STRN: variants seen among roughly 807,000 people sequenced by gnomAD.
The protein encoded by STRN is striatin, also known as protein phosphatase 2 regulatory subunit B'''alpha.
STRN carries 53 observed loss-of-function variants against 96.3 expected under a neutral mutation model. The ratio of observed to expected loss-of-function variants is 0.55; its 90% confidence interval spans 0.44 to 0.69. The LOEUF (loss-of-function observed/expected upper bound fraction) is 0.69. STRN is among the 30% of genes least tolerant of loss of function. The pLI, the probability that STRN is intolerant of heterozygous loss-of-function variation, is 0.00. For missense variants in STRN, 987 were observed against 963.9 expected (o/e 1.02, Z -0.32); for synonymous variants, 428 against 355.9 (o/e 1.20, Z -2.28).
At chr2:36,869,370 T>C (rs1040197952) in intron 11 of STRN, among the ~76,000 whole-genome samples, 184 bp downstream of exon 11, 3 of 152,230 alleles carry the variant, frequency 2.0e-5, no homozygotes, top group Non-Finnish European at 4.4e-5. Context: ...CATATCTTCC[T>C]AAGCATCAGT....
At chr2:36,878,761 GT>G (rs1183146387) in intron 9 of STRN, among the ~76,000 whole-genome samples, 9 of 150,538 alleles carry the variant, frequency 6.0e-5, no homozygotes, top group African/African-American at 1.7e-4. Flanking sequence ...TTTTTTTTAT[GT>G]TTTTTTCTGA....
intron 6 of STRN, among the ~76,000 whole-genome samples, chr2:36,899,097 G>A (rs1429726986): frequency 6.6e-6 from 1 of 152,154 alleles, no homozygotes; most frequent in African/African-American, 2.4e-5. Context: ...GAACTCTAAT[G>A]GAAGAGTTCT....
intron 1 of STRN, among the ~76,000 whole-genome samples, chr2:36,934,480 A>G (rs72873821): frequency 0.012 from 1,762 of 152,302 alleles, 21 homozygotes; most frequent in Middle Eastern, 0.017. Context: ...CTTGCAAATG[A>G]TAAGTCTTCT....
chr2:36,939,221 G>A (rs1008306871), intron 1 of STRN, among the ~76,000 whole-genome samples: 15 of 151,290 alleles, frequency 9.9e-5, no homozygotes, highest in African/African-American at 2.2e-4. Flanking sequence ...GTGAGCCGCC[G>A]CGCCCAGCCT....
At chr2:36,928,896 C>T (rs1338189900) in intron 1 of STRN, among the ~76,000 whole-genome samples, 4 of 132,194 alleles carry the variant, frequency 3.0e-5, no homozygotes, top group Admixed American at 1.6e-4. Context: ...TGCAGTGAGC[C>T]GAGACCACGC....
chr2:36,857,615 G>A (rs1033247338), intron 14 of STRN, among the ~76,000 whole-genome samples: 1 of 151,956 alleles, frequency 6.6e-6, no homozygotes, highest in African/African-American at 2.4e-5. Context: ...AGCCGAGATT[G>A]CGCCACTGCA....
rs544522935 is a variant in STRN at position 36,846,989 on chromosome 2, T to G, written c.*2467A>C. ...ACATTGAATTTGTTCATTCTGTGAA[T>G]TTTCATTGAATGTTCAACAGGCTAG... On this transcript the variant is annotated 3_prime_UTR_variant, in exon 18 of 18. Coordinates refer to ENST00000263918, the MANE Select transcript of STRN (RefSeq NM_003162.4). The G allele has an allele frequency of 1.3e-5, 2 of 152,328 alleles. No homozygotes were observed. Among genetic ancestry groups the G allele is most frequent in the South Asian group, 4.1e-4 (2 of 4,828 alleles). 9.4% of individuals were successfully genotyped at this position (152,328 alleles called of 1,614,324 possible). A position where few individuals can be genotyped will look rare whatever the true frequency, so the allele number is the denominator to read the frequency against.
Position 36,893,892 on chromosome 2 carries a change from C to T in STRN, c.931+6G>A, listed in dbSNP as rs746353521. 14 of 1,598,956 alleles carry T rather than the reference C, an allele frequency of 8.8e-6. No individual in the cohort carries two copies. The South Asian group carries it at 1.6e-4, about 18-fold the overall frequency. ...ATCTCTGGTTGGATCCAGTATGCTTCCTTACCCCAGTCTGTTCCATCGCCT... is the reference window on the plus strand; with the variant it reads ...ATCTCTGGTTGGATCCAGTATGCTTTCTTACCCCAGTCTGTTCCATCGCCT... On this transcript the variant is annotated splice_donor_region_variant and intron_variant, in intron 7 of 17. Coordinates refer to ENST00000263918, the MANE Select transcript of STRN (RefSeq NM_003162.4).
rs1669524019 is a variant in STRN, at chr2:36,895,747, C to T, written c.796-1714G>A. On this transcript the variant is annotated intron_variant, in intron 6 of 17. Transcript: ENST00000263918. ...TAACATGGTAAAAACCCCGTCTCTA[C>T]TAAAAATACAAAAAAAAAAAAAAAA... Among the ~76,000 whole-genome samples the T allele has an allele frequency of 8.2e-5, 6 of 73,360 alleles. No individual in the cohort carries two copies. The Admixed American group carries it at 1.3e-3, about 16-fold the overall frequency. The allele number at this position is 73,360 out of a possible 152,430, so 48.1% of individuals were successfully genotyped here. A position where few individuals can be genotyped will look rare whatever the true frequency, so the allele number is the denominator to read the frequency against.
chr2:36,957,468 G>C (rs1664917102), intron 1 of STRN, among the ~76,000 whole-genome samples: 1 of 151,968 alleles, frequency 6.6e-6, no homozygotes, highest in African/African-American at 2.4e-5. Context: ...CACACCTATA[G>C]TCCCAGCCAC....
chr2:36,955,609 C>G (rs1335726150), intron 1 of STRN, among the ~76,000 whole-genome samples: 1 of 152,208 alleles, frequency 6.6e-6, no homozygotes, highest in African/African-American at 2.4e-5. Flanking sequence ...CTCAATTTCT[C>G]TCTTGCCTCA....
At chr2:36,899,934 C>T (rs1449221850) in intron 5 of STRN, among the ~76,000 whole-genome samples, 3 of 152,104 alleles carry the variant, frequency 2.0e-5, no homozygotes, top group Admixed American at 2.0e-4. Flanking sequence ...CTGTCACCCA[C>T]GGTAGAGTGC....
At chr2:36,868,470 C>T (rs1036174296) in intron 11 of STRN, among the ~76,000 whole-genome samples, 1 of 152,172 alleles carries the variant, frequency 6.6e-6, no homozygotes, top group Admixed American at 6.5e-5. Flanking sequence ...ATTATAGGTA[C>T]ACTATACCCT....
At chr2:36,866,217 G>A (rs1668618459) in intron 12 of STRN, among the ~76,000 whole-genome samples, 1 of 151,922 alleles carries the variant, frequency 6.6e-6, no homozygotes, top group Non-Finnish European at 1.5e-5. Context: ...TGAGACTACA[G>A]GAACACGTCA....
chr2:36,908,083 A>AG (rs1173831804), intron 3 of STRN, among the ~76,000 whole-genome samples: 3 of 152,216 alleles, frequency 2.0e-5, no homozygotes, highest in Non-Finnish European at 4.4e-5. Context: ...CCGCAAATTC[A>AG]GGATCTGTGC....
intron 1 of STRN, among the ~76,000 whole-genome samples, chr2:36,928,947 C>CAAAA (rs57198345): frequency 1.5e-5 from 1 of 68,056 alleles, no homozygotes; most frequent in Non-Finnish European, 3.4e-5. Context: ...GACTCCGTCT[C>CAAAA]AAAAAAAAAA....
In STRN at chr2:36,849,556, C is replaced by T. The variant is rs1323885946; in HGVS notation, c.2243G>A (p.Arg748Gln). Reference sequence around the variant, plus strand: ...ATGAATCGATTCTTCAAACTTTTTTCGATGAGCTGTGAATTCTTGGATACA... The same window carrying T: ...ATGAATCGATTCTTCAAACTTTTTTTGATGAGCTGTGAATTCTTGGATACA... ...KTCIQEFTAHRKKFEESIHDV... is the reference protein window; with the variant it reads ...KTCIQEFTAHQKKFEESIHDV... The change falls in exon 18 of 18, where the codon CGA becomes CAA. Residue 748 changes from arginine (R) to glutamine (Q), a missense_variant. Physicochemically the swap from Arg to Gln is conservative, Grantham distance 43 (BLOSUM62 1). Coordinates refer to ENST00000263918, the MANE Select transcript of STRN (RefSeq NM_003162.4). 5 of 1,613,928 alleles carry T rather than the reference C, an allele frequency of 3.1e-6. No homozygotes were observed. Among genetic ancestry groups the T allele is most frequent in the Non-Finnish European group, 4.2e-6 (5 of 1,179,962 alleles).
At chr2:36,953,840 T>C (rs1391019049) in intron 1 of STRN, among the ~76,000 whole-genome samples, 3 of 152,102 alleles carry the variant, frequency 2.0e-5, no homozygotes, top group African/African-American at 2.4e-5. Flanking sequence ...AGCCTAAAAA[T>C]AGACTAATAA....
At chr2:36,940,985 T>C (rs1036110493) in intron 1 of STRN, among the ~76,000 whole-genome samples, 1 of 151,782 alleles carries the variant, frequency 6.6e-6, no homozygotes, top group Admixed American at 6.6e-5. Context: ...AAACCTCCTA[T>C]CTACAAAAAA....
Sources: gnomAD v4.1 joint callset for allele counts (sites outside exome capture counted in the v4.1 genomes callset) on GRCh38, gnomAD v4.1.1 for gene constraint, MANE v1.5 for transcripts, NCBI Gene and HGNC (gene_info 2026-07-23, HGNC 2026-07-21) for gene names.